The following VPS13A variants were observed in gnomAD, a reference collection of about 807,000 sequenced individuals.
VPS13A encodes the protein intermembrane lipid transfer protein VPS13A.
VPS13A carries 264 observed loss-of-function variants against 390.9 expected under a neutral mutation model. The observed-to-expected ratio is 0.68, with a 90% CI of 0.61 to 0.75. The LOEUF is 0.75. Ranked by LOEUF, VPS13A falls within the 30% of genes least tolerant of loss-of-function variation. VPS13A has a pLI of 0.00. For synonymous variants in VPS13A, 1,231 were observed against 1,227.1 expected, an observed-to-expected ratio of 1.00 and a Z score of -0.07; for missense variants, 3,409 against 3,733.9, an observed-to-expected ratio of 0.91 and a Z score of 2.27.
chr9:77,227,702 GT>G (rs57093981), intron 16 of VPS13A, among the ~76,000 whole-genome samples: 35 of 135,496 alleles, frequency 2.6e-4, no homozygotes, highest in Non-Finnish European at 3.5e-4. Flanking sequence ...TTTTTTTTTT[GT>G]TTTTTTTTTT....
intron 1 of VPS13A, among the ~76,000 whole-genome samples, chr9:77,185,100 C>T (rs912366779): frequency 1.3e-5 from 2 of 151,930 alleles, no homozygotes; most frequent in African/African-American, 4.8e-5. Context: ...AAGTGAGGGG[C>T]AGTCTTATGG....
At chr9:77,361,335 C>T (rs1271777951) in intron 59 of VPS13A, among the ~76,000 whole-genome samples, 1 of 152,096 alleles carries the variant, frequency 6.6e-6, no homozygotes, top group Non-Finnish European at 1.5e-5. Flanking sequence ...GAATCATACA[C>T]TGTGTAGTCT....
At chr9:77,363,972 T>G (rs1832294975) in intron 59 of VPS13A, among the ~76,000 whole-genome samples, 1 of 152,052 alleles carries the variant, frequency 6.6e-6, no homozygotes, top group African/African-American at 2.4e-5. Context: ...CTATGTGTGG[T>G]GGGGTAAGAG....
chr9:77,245,918 A>G (rs570806692), intron 19 of VPS13A, among the ~76,000 whole-genome samples: 1 of 152,322 alleles, frequency 6.6e-6, no homozygotes, highest in African/African-American at 2.4e-5. Flanking sequence ...CACTCATGGC[A>G]GAAAGAGTTG....
At chr9:77,259,532 T>TTCTC (rs772216592) in intron 22 of VPS13A, among the ~76,000 whole-genome samples, 2 of 151,510 alleles carry the variant, frequency 1.3e-5, no homozygotes, top group South Asian at 2.1e-4. Flanking sequence ...AGTGAAAACT[T>TTCTC]TCTCTCTCTC....
chr9:77,315,814 A>G (rs1014104117), intron 38 of VPS13A, among the ~76,000 whole-genome samples: 1 of 152,118 alleles, frequency 6.6e-6, no homozygotes, highest in Non-Finnish European at 1.5e-5. Context: ...TAATATTTCA[A>G]TTTAAAGCAC....
intron 67 of VPS13A, among the ~76,000 whole-genome samples, chr9:77,377,365 G>A (rs1452976903): frequency 1.3e-5 from 2 of 151,392 alleles, no homozygotes; most frequent in African/African-American, 2.4e-5. Context: ...GACTACAGGC[G>A]CCCGCCACCG....
chr9:77,415,852 CCTAA>C, intron 71 of VPS13A, 100 bp from the exon 72 acceptor site: 2 of 1,368,286 alleles, frequency 1.5e-6, no homozygotes, highest in Non-Finnish European at 2.1e-6. Context: ...CAGTATTACA[CCTAA>C]CTAAACTATA....
intron 33 of VPS13A, among the ~76,000 whole-genome samples, chr9:77,299,058 C>T (rs1325054592): frequency 6.6e-6 from 1 of 152,124 alleles, no homozygotes; most frequent in African/African-American, 2.4e-5. Context: ...TGTCAAAGAT[C>T]AGATGGTTGT....
chr9:77,332,748 CTTA>C (rs1264259394), intron 46 of VPS13A, among the ~76,000 whole-genome samples: 69 of 152,102 alleles, frequency 4.5e-4, no homozygotes, highest in African/African-American at 1.4e-3. Flanking sequence ...GAAATTGAAC[CTTA>C]TTGGAGAATA....
At chr9:77,402,751 C>T (rs1834443210) in intron 68 of VPS13A, among the ~76,000 whole-genome samples, 1 of 152,152 alleles carries the variant, frequency 6.6e-6, no homozygotes, top group African/African-American at 2.4e-5. Context: ...CAGAAACTCT[C>T]TGCTCTTTAT....
In VPS13A at chr9:77,261,768, C is replaced by T. The variant is rs559615842; in HGVS notation, c.2427+1544C>T. Among the ~76,000 whole-genome samples, 35 of 151,772 alleles carry T rather than the reference C, an allele frequency of 2.3e-4. No individual in the cohort carries two copies. In the South Asian group the frequency reaches 6.0e-3, roughly 26 times the overall value. ...CTTAGCTGATTTTTGTATTTTTAGC[C>T]GAGATGGAGTTTCACCATGTTGGCC... is the stretch of plus-strand genomic sequence containing the variant. On this transcript the variant is annotated intron_variant, in intron 23 of 71. Coordinates refer to ENST00000360280, the MANE Select transcript of VPS13A (RefSeq NM_033305.3).
chr9:77,290,317 A>C (rs73654009), intron 31 of VPS13A, among the ~76,000 whole-genome samples: 2,433 of 152,184 alleles, frequency 0.016, 56 homozygotes, highest in African/African-American at 0.056. Flanking sequence ...TCCTCTGTAC[A>C]TAATTGGTCA....
chr9:77,415,628 G>A (rs1835141511), intron 71 of VPS13A, among the ~76,000 whole-genome samples: 1 of 152,122 alleles, frequency 6.6e-6, no homozygotes, highest in Non-Finnish European at 1.5e-5. Context: ...TCCTGTATCT[G>A]GATTTATGGA....
At position 77,332,005 on chromosome 9, in the gene VPS13A, C is replaced by G; in HGVS notation, c.5992-5C>G. On this transcript the variant is annotated splice_region_variant and splice_polypyrimidine_tract_variant and intron_variant, in intron 45 of 71. Transcript: ENST00000360280. ...TACTAAATATTATTTGTTTTTCTTT[C>G]CCAGATAAGAAATCATTTTTCAGTC... 6.3e-7 allele frequency: 1 copy of G among 1,590,902 alleles called. No individual in the cohort carries two copies. Among genetic ancestry groups the G allele is most frequent in the Non-Finnish European group, 8.6e-7 (1 of 1,159,736 alleles).
chr9:77,409,177 C>G (rs764241650), intron 71 of VPS13A, among the ~76,000 whole-genome samples: 1 of 152,212 alleles, frequency 6.6e-6, no homozygotes, highest in Non-Finnish European at 1.5e-5. Context: ...CTGATACCCA[C>G]GCAAACAGGT....
At chr9:77,399,157 T>TA (rs753683976) in intron 68 of VPS13A, among the ~76,000 whole-genome samples, 2,627 of 107,086 alleles carry the variant, frequency 0.025, 37 homozygotes, top group Non-Finnish European at 0.035. Flanking sequence ...CCCTAAAACT[T>TA]AGAGTATAAT....
At chr9:77,293,625 C>T (rs943889207) in intron 32 of VPS13A, 117 bp downstream of exon 32, 4 of 527,242 alleles carry the variant, frequency 7.6e-6, no homozygotes, top group South Asian at 5.8e-5. Context: ...TTTTTTAAAT[C>T]TTCTGGGTAC....
At chr9:77,348,620 T>C (rs1293980834) in intron 52 of VPS13A, among the ~76,000 whole-genome samples, 2 of 151,406 alleles carry the variant, frequency 1.3e-5, no homozygotes, top group African/African-American at 2.4e-5. Context: ...AACTTAAATT[T>C]AGGAAAAAAA....
Sources: gnomAD v4.1 joint callset for allele counts (sites outside exome capture counted in the v4.1 genomes callset) on GRCh38, gnomAD v4.1.1 for gene constraint, MANE v1.5 for transcripts, NCBI Gene and HGNC (gene_info 2026-07-23, HGNC 2026-07-21) for gene names.